The following TBL1XR1 variants were observed in gnomAD, a reference collection of about 807,000 sequenced individuals.
TBL1XR1 encodes TBL1X/Y related 1.
In TBL1XR1, 5 loss-of-function variants were observed where a neutral mutation model predicts 66.9. The observed-to-expected ratio is 0.07, with a 90% CI of 0.04 to 0.16. TBL1XR1 has a LOEUF of 0.16. Ranked by LOEUF, TBL1XR1 falls within the 10% of genes least tolerant of loss-of-function variation. The pLI is 1.00. For missense variants in TBL1XR1, 238 were observed against 623.2 expected (o/e 0.38, Z 6.58); for synonymous variants, 210 against 206.0 (o/e 1.02, Z -0.17).
chr3:177,061,234 A>AT (rs1187929631), intron 3 of TBL1XR1, among the ~76,000 whole-genome samples: 2 of 152,212 alleles, frequency 1.3e-5, no homozygotes, highest in African/African-American at 4.8e-5. Context: ...ACAGCAACGT[A>AT]TTTTATAGGT....
At chr3:177,134,979 CTG>C (rs1455104135) in intron 1 of TBL1XR1, among the ~76,000 whole-genome samples, 2 of 48,202 alleles carry the variant, frequency 4.1e-5, no homozygotes, top group African/African-American at 1.5e-4. Flanking sequence ...GTGTGTGTGT[CTG>C]TGTGTGTGTG....
At chr3:177,153,949 G>T (rs1425526142) in intron 1 of TBL1XR1, among the ~76,000 whole-genome samples, 1 of 146,118 alleles carries the variant, frequency 6.8e-6, no homozygotes, top group Non-Finnish European at 1.5e-5. Flanking sequence ...TGGCTAATAA[G>T]ACAATAGTAG....
intron 1 of TBL1XR1, among the ~76,000 whole-genome samples, chr3:177,193,344 T>G (rs1212515502): frequency 2.0e-5 from 3 of 151,780 alleles, no homozygotes; most frequent in Non-Finnish European, 4.4e-5. Context: ...GGTGTCTCCC[T>G]CTATCGCCCA....
At chr3:177,028,387 T>C (rs968573484) in intron 14 of TBL1XR1, among the ~76,000 whole-genome samples, 1 of 152,194 alleles carries the variant, frequency 6.6e-6, no homozygotes, top group Non-Finnish European at 1.5e-5. Context: ...GTATCTTCCA[T>C]TAGCACTCTA....
At chr3:177,041,977 A>G (rs959036337) in intron 10 of TBL1XR1, among the ~76,000 whole-genome samples, 1 of 152,052 alleles carries the variant, frequency 6.6e-6, no homozygotes, top group Admixed American at 6.6e-5. Context: ...ACTTCCTTCA[A>G]TTAGTCTCTT....
chr3:177,095,974 T>C (rs992399924), intron 2 of TBL1XR1, among the ~76,000 whole-genome samples: 2 of 152,132 alleles, frequency 1.3e-5, no homozygotes, highest in South Asian at 2.1e-4. Context: ...TATCAAAATA[T>C]CACATGTACC....
intron 1 of TBL1XR1, among the ~76,000 whole-genome samples, chr3:177,195,923 A>C (rs1736794339): frequency 6.6e-6 from 1 of 152,230 alleles, no homozygotes. Flanking sequence ...GATTTCAAGT[A>C]AACTCCAGAC....
intron 1 of TBL1XR1, among the ~76,000 whole-genome samples, chr3:177,190,133 C>CAAAAAAAAAAAA (rs548783302): frequency 1.4e-5 from 1 of 69,392 alleles, no homozygotes; most frequent in African/African-American, 6.4e-5. Context: ...AACTCCATCT[C>CAAAAAAAAAAAA]AAAAAAAAAA....
At chr3:177,123,514 T>C (rs1411817636) in intron 1 of TBL1XR1, among the ~76,000 whole-genome samples, 1 of 152,072 alleles carries the variant, frequency 6.6e-6, no homozygotes, top group African/African-American at 2.4e-5. Context: ...AAAAAGGTTT[T>C]CCTATTTAAA....
chr3:177,154,892 CAG>C (rs1301244778), intron 1 of TBL1XR1, among the ~76,000 whole-genome samples: 2 of 152,010 alleles, frequency 1.3e-5, no homozygotes, highest in East Asian at 3.9e-4. Flanking sequence ...AGATCACACA[CAG>C]AGAACAAAAC....
chr3:177,123,335 A>G (rs986330332), intron 1 of TBL1XR1, among the ~76,000 whole-genome samples: 21 of 152,224 alleles, frequency 1.4e-4, no homozygotes, highest in Non-Finnish European at 1.8e-4. Context: ...TAATTGATTT[A>G]CATCACTCAT....
At chr3:177,164,851 A>T (rs1202998162) in intron 1 of TBL1XR1, among the ~76,000 whole-genome samples, 1 of 152,188 alleles carries the variant, frequency 6.6e-6, no homozygotes, top group Admixed American at 6.5e-5. Flanking sequence ...ATGAACTACA[A>T]GACTATGGTA....
At chr3:177,133,447 C>T (rs1352241238) in intron 1 of TBL1XR1, among the ~76,000 whole-genome samples, 1 of 152,180 alleles carries the variant, frequency 6.6e-6, no homozygotes, top group Non-Finnish European at 1.5e-5. Context: ...ACTTTTTACA[C>T]CAGGTGTGTG....
At chr3:177,172,632 G>GAGAGAGAGAGA (rs1733672255) in intron 1 of TBL1XR1, among the ~76,000 whole-genome samples, 1 of 69,158 alleles carries the variant, frequency 1.4e-5, no homozygotes, top group Non-Finnish European at 3.1e-5. Context: ...AAGAAAGAGA[G>GAGAGAGAGAGA]AAGAGAGAGA....
intron 1 of TBL1XR1, among the ~76,000 whole-genome samples, chr3:177,184,202 A>G (rs1165286995): frequency 6.6e-6 from 1 of 152,238 alleles, no homozygotes; most frequent in African/African-American, 2.4e-5. Flanking sequence ...CACCAACTGC[A>G]ACCAAAAATA....
intron 1 of TBL1XR1, among the ~76,000 whole-genome samples, chr3:177,142,451 G>A (rs567841509): frequency 1.9e-4 from 29 of 152,272 alleles, no homozygotes; most frequent in African/African-American, 6.3e-4. Flanking sequence ...AAACTTTCAG[G>A]TGTTGCCATG....
chr3:177,187,189 T>C (rs1735527254), intron 1 of TBL1XR1, among the ~76,000 whole-genome samples: 1 of 141,586 alleles, frequency 7.1e-6, no homozygotes, highest in Non-Finnish European at 1.5e-5. Context: ...AAGTCAGGAG[T>C]TCGAGACCAA....
chr3:177,134,963 GTGTC>G (rs1260117325), intron 1 of TBL1XR1, among the ~76,000 whole-genome samples: 37 of 138,960 alleles, frequency 2.7e-4, no homozygotes, highest in Admixed American at 9.8e-4. Context: ...GTGTGTGTGT[GTGTC>G]TGTGTGTGTG....
chr3:177,103,333 T>C (rs755871897), intron 1 of TBL1XR1, among the ~76,000 whole-genome samples: 3 of 152,242 alleles, frequency 2.0e-5, no homozygotes, highest in Non-Finnish European at 2.9e-5. Flanking sequence ...ACTAAATATA[T>C]TTACTTCTTG....
Sources: gnomAD v4.1 joint callset for allele counts (sites outside exome capture counted in the v4.1 genomes callset) on GRCh38, gnomAD v4.1.1 for gene constraint, MANE v1.5 for transcripts, NCBI Gene and HGNC (gene_info 2026-07-23, HGNC 2026-07-21) for gene names.